The following SIPA1L1 variants were observed in gnomAD, a reference collection of about 807,000 sequenced individuals.
SIPA1L1 encodes signal induced proliferation associated 1 like 1.
SIPA1L1 carries 26 observed loss-of-function variants against 162.7 expected under a neutral mutation model. The observed-to-expected ratio is 0.16, with a 90% CI of 0.12 to 0.22. The LOEUF (loss-of-function observed/expected upper bound fraction) is 0.22, where lower values mean the gene tolerates loss of function less well. Among genes scored for constraint, SIPA1L1 ranks in the 10% least tolerant of loss-of-function variants. The probability of loss-of-function intolerance (pLI) is 1.00; values close to 1 mark genes in which losing one functional copy is unlikely to be tolerated. For missense variants in SIPA1L1, 1,874 were observed against 2,241.0 expected (o/e 0.84, Z 3.31); for synonymous variants, 829 against 837.4 (o/e 0.99, Z 0.17).
chr14:71,545,002 A>G (rs1349002686), intron 4 of SIPA1L1, among the ~76,000 whole-genome samples: 1 of 152,158 alleles, frequency 6.6e-6, no homozygotes, highest in Non-Finnish European at 1.5e-5. Context: ...GTCTAGGACT[A>G]CAAATATACA....
chr14:71,372,343 C>T (rs1324949716), intron 2 of SIPA1L1, among the ~76,000 whole-genome samples: 1 of 152,082 alleles, frequency 6.6e-6, no homozygotes, highest in Non-Finnish European at 1.5e-5. Flanking sequence ...TTCTTTTTTT[C>T]TCCCGTATCC....
intron 4 of SIPA1L1, among the ~76,000 whole-genome samples, chr14:71,554,426 A>G (rs2056164685): frequency 6.6e-6 from 1 of 152,194 alleles, no homozygotes; most frequent in South Asian, 2.1e-4. Flanking sequence ...AAAAAAATGT[A>G]TCTGCTTTTC....
chr14:71,544,104 T>G (rs1002257763), intron 4 of SIPA1L1, among the ~76,000 whole-genome samples: 1 of 150,968 alleles, frequency 6.6e-6, no homozygotes, highest in Non-Finnish European at 1.5e-5. Flanking sequence ...CACGCACATG[T>G]ATGTATATAC....
intron 2 of SIPA1L1, among the ~76,000 whole-genome samples, chr14:71,451,162 A>G (rs759541465): frequency 2.7e-4 from 41 of 152,170 alleles, no homozygotes; most frequent in Non-Finnish European, 6.0e-4. Context: ...GAAAGACTGC[A>G]TGATCTCCCC....
chr14:71,612,712 C>T (rs753489390), intron 5 of SIPA1L1, among the ~76,000 whole-genome samples: 1 of 152,080 alleles, frequency 6.6e-6, no homozygotes, highest in Admixed American at 6.5e-5. Context: ...AGTAAAACAC[C>T]AAGCTTAACT....
chr14:71,324,264 C>T (rs775269653), intron 2 of SIPA1L1, among the ~76,000 whole-genome samples: 1 of 152,148 alleles, frequency 6.6e-6, no homozygotes, highest in Non-Finnish European at 1.5e-5. Flanking sequence ...GCTCATGTTT[C>T]CCATTTTACG....
intron 2 of SIPA1L1, among the ~76,000 whole-genome samples, chr14:71,334,140 G>A (rs1318383132): frequency 1.3e-5 from 2 of 152,214 alleles, no homozygotes; most frequent in Admixed American, 6.5e-5. Context: ...GCCAAGTGGA[G>A]CAGTCAGGTA....
At chr14:71,479,297 G>T (rs1427066388) in intron 2 of SIPA1L1, among the ~76,000 whole-genome samples, 1 of 151,836 alleles carries the variant, frequency 6.6e-6, no homozygotes, top group Non-Finnish European at 1.5e-5. Flanking sequence ...ATCCTACCCA[G>T]GACCAGTACC....
chr14:71,329,591 C>T (rs574148773), intron 2 of SIPA1L1, among the ~76,000 whole-genome samples: 1 of 152,022 alleles, frequency 6.6e-6, no homozygotes, highest in Non-Finnish European at 1.5e-5. Context: ...ATGGTGTACA[C>T]CACCACACCC....
intron 12 of SIPA1L1, among the ~76,000 whole-genome samples, chr14:71,682,562 A>G (rs1197229847): frequency 2.0e-5 from 3 of 152,188 alleles, no homozygotes; most frequent in Non-Finnish European, 2.9e-5. Flanking sequence ...AGACTTTATC[A>G]TACTATATTT....
intron 11 of SIPA1L1, among the ~76,000 whole-genome samples, 172 bp from the exon 12 acceptor site, chr14:71,672,176 T>C (rs1427115614): frequency 1.3e-5 from 2 of 152,202 alleles, no homozygotes; most frequent in Non-Finnish European, 2.9e-5. Context: ...AACAAGTATA[T>C]TCCTTTTGGC....
Position 71,694,691 on chromosome 14 carries a change from G to A in SIPA1L1, c.3375-4290G>A, listed in dbSNP as rs977832461. Among the ~76,000 whole-genome samples the A allele has an allele frequency of 9.2e-5, 14 of 152,158 alleles. 1 individual carries two copies. The highest frequency in any genetic ancestry group is 9.2e-4 in the Admixed American group (14 of 15,278). On this transcript the variant is annotated intron_variant, in intron 13 of 23. Coordinates refer to ENST00000381232, the MANE Select transcript of SIPA1L1 (RefSeq NM_001386936.1). The stretch of plus-strand genomic sequence containing the variant: ...CAGAGCATTCTTTAAAAAGAATATT[G>A]CCTGTATTCAACAGAATGGAAAGAT...
chr14:71,462,157 A>T (rs1347884327), intron 2 of SIPA1L1, among the ~76,000 whole-genome samples: 1 of 152,230 alleles, frequency 6.6e-6, no homozygotes, highest in African/African-American at 2.4e-5. Context: ...CCCATAGTCA[A>T]ATGTTCAGTT....
chr14:71,540,301 C>T (rs2054265853), intron 4 of SIPA1L1, among the ~76,000 whole-genome samples: 1 of 152,186 alleles, frequency 6.6e-6, no homozygotes, highest in Admixed American at 6.5e-5. Flanking sequence ...TCCATTCCTT[C>T]ATTTCCAGTG....
intron 4 of SIPA1L1, chr14:71,573,541 A>G: frequency 2.2e-6 from 1 of 456,708 alleles, no homozygotes; most frequent in Non-Finnish European, 4.4e-6. Flanking sequence ...CTACAGCTGC[A>G]CAAGGAAGGG....
Position 71,671,183 on chromosome 14 carries a change from T to C in SIPA1L1, c.2320T>C (p.Phe774Leu). 5 of 1,614,112 alleles carry C rather than the reference T, an allele frequency of 3.1e-6. No homozygotes were observed. The highest frequency in any genetic ancestry group is 4.2e-6 in the Non-Finnish European group (5 of 1,179,966). The change falls in exon 11 of 24, where the codon TTC becomes CTC. Residue 774 changes from phenylalanine to leucine, a missense_variant. Physicochemically the swap from Phe to Leu is conservative, Grantham distance 22 (BLOSUM62 0). Transcript: ENST00000381232. ...GCCTCCCATTCCTAAAGGGGTCACTTTCCCTAAGTCAAATGTGTTCAGGGA... is the reference window on the plus strand; with the variant it reads ...GCCTCCCATTCCTAAAGGGGTCACTCTCCCTAAGTCAAATGTGTTCAGGGA... ...FGPPIPKGVTFPKSNVFRDFL... is the reference protein window; with the variant it reads ...FGPPIPKGVTLPKSNVFRDFL...
chr14:71,514,133 A>T (rs1393740682), intron 3 of SIPA1L1, among the ~76,000 whole-genome samples: 1 of 152,220 alleles, frequency 6.6e-6, no homozygotes, highest in Non-Finnish European at 1.5e-5. Flanking sequence ...GAGAAAGTAC[A>T]CTTGGAAGCG....
chr14:71,435,449 G>A (rs1245812182), intron 2 of SIPA1L1, among the ~76,000 whole-genome samples: 1 of 152,100 alleles, frequency 6.6e-6, no homozygotes, highest in Non-Finnish European at 1.5e-5. Context: ...CCTTGTGATA[G>A]GTTGCTGAGA....
chr14:71,425,008 A>C (rs186321802), intron 2 of SIPA1L1, among the ~76,000 whole-genome samples: 7 of 151,898 alleles, frequency 4.6e-5, no homozygotes, highest in Admixed American at 1.3e-4. Flanking sequence ...TATTTCTAGG[A>C]ATCCATTTTT....
Sources: allele counts gnomAD v4.1 joint callset (sites outside exome capture counted in the v4.1 genomes callset), GRCh38; gene constraint gnomAD v4.1.1; transcripts MANE v1.5; gene names NCBI Gene and HGNC (gene_info 2026-07-23, HGNC 2026-07-21).